Variants in DOCK3 observed in about 807,000 individuals in gnomAD.
The protein encoded by DOCK3 is dedicator of cytokinesis 3, also known as dedicator of cytokinesis protein 3.
A neutral mutation model predicts 265.6 loss-of-function variants in DOCK3; 60 were observed. The ratio of observed to expected loss-of-function variants is 0.23; its 90% confidence interval spans 0.18 to 0.28. The LOEUF (loss-of-function observed/expected upper bound fraction) is 0.28. Ranked by LOEUF, DOCK3 falls within the 10% of genes least tolerant of loss-of-function variation. The pLI, the probability that DOCK3 is intolerant of heterozygous loss-of-function variation, is 1.00. For synonymous variants in DOCK3, 881 were observed against 938.0 expected (o/e 0.94, Z 1.11); for missense variants, 1,981 against 2,594.3 (o/e 0.76, Z 5.14).
rs552867967 is a variant in DOCK3, at chr3:51,292,460, A to C, written c.2922+12256A>C. Among the ~76,000 whole-genome samples the C allele has an allele frequency of 2.6e-5, 4 of 152,312 alleles. No homozygotes were observed. In the East Asian group the frequency reaches 7.7e-4, roughly 29 times the overall value. On this transcript the variant is annotated intron_variant, in intron 27 of 52. Coordinates refer to ENST00000266037, the MANE Select transcript of DOCK3 (RefSeq NM_004947.5). ...AGTTGTGTTTCTATACAATAACAAC[A>C]AACTGTCTAAAAAAGAAATTATGAA...
intron 10 of DOCK3, among the ~76,000 whole-genome samples, chr3:51,157,082 C>G (rs989987504): frequency 6.6e-6 from 1 of 151,952 alleles, no homozygotes; most frequent in African/African-American, 2.4e-5. Flanking sequence ...GAAATGGGGC[C>G]TGAAACATCC....
intron 9 of DOCK3, among the ~76,000 whole-genome samples, chr3:51,100,201 C>A: frequency 6.6e-6 from 1 of 152,066 alleles, no homozygotes; most frequent in East Asian, 1.9e-4. Context: ...TAACACTGAG[C>A]AAAATCCAAA....
chr3:50,891,284 T>C (rs1195033878), intron 4 of DOCK3, among the ~76,000 whole-genome samples: 2 of 152,122 alleles, frequency 1.3e-5, no homozygotes, highest in Non-Finnish European at 2.9e-5. Flanking sequence ...TTGGAGATGA[T>C]AGTTATTATT....
chr3:51,238,636 T>C (rs1400255174), intron 21 of DOCK3, among the ~76,000 whole-genome samples: 1 of 152,042 alleles, frequency 6.6e-6, no homozygotes, highest in Non-Finnish European at 1.5e-5. Context: ...TAGGCCTCGG[T>C]GTGTTTTGTT....
chr3:50,780,305 C>T (rs1258564528), intron 2 of DOCK3, among the ~76,000 whole-genome samples: 1 of 152,020 alleles, frequency 6.6e-6, no homozygotes, highest in Non-Finnish European at 1.5e-5. Flanking sequence ...ACAAGAATAC[C>T]TACTGTCTTA....
chr3:51,214,215 G>A lies in DOCK3; in HGVS notation c.1220G>A (p.Arg407Lys). The change falls in exon 14 of 53, where the codon AGA becomes AAA. Residue 407 changes from arginine (R) to lysine (K), a missense_variant. Around this residue, in one of 4 missense-constraint regions of DOCK3, gnomAD observed 456 missense variants for 539.0 expected, o/e 0.85. Coordinates refer to ENST00000266037, the MANE Select transcript of DOCK3 (RefSeq NM_004947.5). ...TTTAATAGGGGATTGGCAATTACAA[G>A]AAAATTGGGATTTCCTGATGTCATT... is the stretch of plus-strand genomic sequence containing the variant. Reference protein sequence around the residue: ...MIFNRGLAITRKLGFPDVIMP... With the variant: ...MIFNRGLAITKKLGFPDVIMP... 1.9e-6 allele frequency: 3 copies of A among 1,613,746 alleles called. No homozygotes were observed. The highest frequency in any genetic ancestry group is 2.5e-6 in the Non-Finnish European group (3 of 1,179,810).
At chr3:51,265,636 A>G (rs900190105) in intron 23 of DOCK3, among the ~76,000 whole-genome samples, 3 of 152,194 alleles carry the variant, frequency 2.0e-5, no homozygotes, top group Non-Finnish European at 4.4e-5. Flanking sequence ...AAAGGCCTTC[A>G]ATAAAATTCA....
rs560878209 is a variant in DOCK3, at chr3:51,347,025, G to C, written c.3916-1827G>C. ...TGTAAATTTGTTTAACTTCTTTGTA[G>C]ATTCTGGATATTAGCCCTTTGTCAG... On this transcript the variant is annotated intron_variant, in intron 38 of 52. Transcript: ENST00000266037. 5.9e-5 allele frequency among the ~76,000 whole-genome samples: 9 copies of C among 152,304 alleles called. No homozygotes were observed. The East Asian group carries it at 1.7e-3, about 29-fold the overall frequency.
chr3:50,786,916 G>A (rs370201454), intron 2 of DOCK3: 10 of 737,316 alleles, frequency 1.4e-5, no homozygotes, highest in South Asian at 1.2e-4. Context: ...GTGACATACT[G>A]CATTTGAATG....
chr3:51,168,660 A>G (rs774647143), intron 12 of DOCK3, among the ~76,000 whole-genome samples: 12 of 152,188 alleles, frequency 7.9e-5, no homozygotes, highest in Non-Finnish European at 1.5e-4. Context: ...CCTAGGCAAT[A>G]CCATTCTAGA....
chr3:50,864,829 T>C (rs1436809040), intron 3 of DOCK3, among the ~76,000 whole-genome samples: 2 of 152,180 alleles, frequency 1.3e-5, no homozygotes, highest in Non-Finnish European at 2.9e-5. Context: ...TCATGCTGTT[T>C]TGGTTACTAT....
At chr3:50,679,312 A>AT (rs1374680420) in intron 1 of DOCK3, among the ~76,000 whole-genome samples, 2 of 152,164 alleles carry the variant, frequency 1.3e-5, no homozygotes, top group Admixed American at 6.5e-5. Flanking sequence ...TTTATTGCTT[A>AT]TTTTTTATTA....
chr3:51,340,668 C>T (rs977011589), intron 37 of DOCK3, among the ~76,000 whole-genome samples: 2 of 152,184 alleles, frequency 1.3e-5, no homozygotes, highest in Non-Finnish European at 2.9e-5. Context: ...GCCCCTGAGC[C>T]GTGGCTGTGA....
chr3:50,786,793 C>CATCCA, intron 2 of DOCK3: 1 of 740,266 alleles, frequency 1.4e-6, no homozygotes, highest in South Asian at 1.4e-5. Flanking sequence ...ACTGTTTGTG[C>CATCCA]CCAACGTGGA....
chr3:51,233,501 G>A (rs1365228383), intron 19 of DOCK3, among the ~76,000 whole-genome samples: 1 of 152,048 alleles, frequency 6.6e-6, no homozygotes, highest in East Asian at 1.9e-4. Context: ...AAGTAGCTGG[G>A]ATTACAGGCA....
chr3:50,833,411 G>A (rs1004390800), intron 2 of DOCK3, among the ~76,000 whole-genome samples: 1 of 152,106 alleles, frequency 6.6e-6, no homozygotes, highest in African/African-American at 2.4e-5. Context: ...TTTGTTTAAA[G>A]TACAGCAAGA....
At chr3:51,205,002 T>A (rs1334810630) in intron 12 of DOCK3, among the ~76,000 whole-genome samples, 4 of 149,850 alleles carry the variant, frequency 2.7e-5, no homozygotes, top group Non-Finnish European at 5.9e-5. Context: ...AACATCACAC[T>A]CTGGGGACTG....
Position 51,225,715 on chromosome 3 carries a change from T to G in DOCK3, c.1319T>G (p.Val440Gly). ...KGDFERGGKS[V>G]QKNIEVTMYV... is the part of the protein sequence containing the mutation. ...GATTTCGAGAGAGGAGGAAAGAGTG[T>G]ACAAAAGAATATTGAAGTGACCATG... Residue 440 changes from valine (V) to glycine (G), a missense_variant, in exon 15 of 53, where the codon GTA becomes GGA. By Grantham distance (109) the Val-to-Gly change is moderately radical (BLOSUM62 -3). Transcript: ENST00000266037. 6.2e-7 allele frequency: 1 copy of G among 1,613,748 alleles called. No individual in the cohort carries two copies. Among genetic ancestry groups the G allele is most frequent in the Non-Finnish European group, 8.5e-7 (1 of 1,179,754 alleles).
intron 1 of DOCK3, among the ~76,000 whole-genome samples, chr3:50,768,329 G>T (rs1317862283): frequency 1.3e-5 from 2 of 152,030 alleles, no homozygotes; most frequent in African/African-American, 4.8e-5. Context: ...TAGCATGAAG[G>T]GCTATTGAAT....
Sources: allele counts gnomAD v4.1 joint callset (sites outside exome capture counted in the v4.1 genomes callset), GRCh38; gene constraint gnomAD v4.1.1; regional missense constraint gnomAD v4.1.1; transcripts MANE v1.5; gene names NCBI Gene and HGNC (gene_info 2026-07-23, HGNC 2026-07-21).